Variants in ETV6 observed in about 807,000 individuals in gnomAD.
The protein encoded by ETV6 is transcription factor ETV6.
A neutral mutation model predicts 51.1 loss-of-function variants in ETV6; 16 were observed. That is an observed-to-expected ratio of 0.31 (90% CI 0.21 to 0.48). The LOEUF (loss-of-function observed/expected upper bound fraction) is 0.48. Among genes scored for constraint, ETV6 ranks in the 20% least tolerant of loss-of-function variants. The pLI is 0.99. For missense variants in ETV6, 458 were observed against 594.8 expected (o/e 0.77, Z 2.39); for synonymous variants, 240 against 224.1 (o/e 1.07, Z -0.64).
In ETV6 at chr12:11,781,363, T is replaced by G. The variant is rs897738426; in HGVS notation, c.163+28784T>G. Among the ~76,000 whole-genome samples the G allele has an allele frequency of 2.6e-5, 4 of 152,206 alleles. No individual in the cohort carries two copies. The South Asian group carries it at 8.3e-4, about 32-fold the overall frequency. ...CGTCCCGTTCTTGGATGGTGCTAGA[T>G]GTGAAAAATAGAGTTGAAACTCACC... is the stretch of plus-strand genomic sequence containing the variant. On this transcript the variant is annotated intron_variant, in intron 2 of 7. Transcript: ENST00000396373.
chr12:11,689,974 G>T (rs912465738), intron 1 of ETV6, among the ~76,000 whole-genome samples: 5 of 151,994 alleles, frequency 3.3e-5, no homozygotes, highest in African/African-American at 1.2e-4. Flanking sequence ...ATTCACAAGG[G>T]TGTTCGGTGT....
intron 1 of ETV6, among the ~76,000 whole-genome samples, chr12:11,659,400 G>C (rs1864058876): frequency 6.6e-6 from 1 of 152,166 alleles, no homozygotes; most frequent in Non-Finnish European, 1.5e-5. Flanking sequence ...CATGCAATAA[G>C]TGTGGGCTAC....
intron 2 of ETV6, among the ~76,000 whole-genome samples, chr12:11,753,326 TC>T (rs1866075925): frequency 6.6e-6 from 1 of 152,204 alleles, no homozygotes; most frequent in Non-Finnish European, 1.5e-5. Flanking sequence ...ACCTGCTGTG[TC>T]CTTTTTGTCT....
chr12:11,673,564 T>C (rs1864360381), intron 1 of ETV6, among the ~76,000 whole-genome samples: 2 of 152,168 alleles, frequency 1.3e-5, no homozygotes, highest in Admixed American at 1.3e-4. Context: ...AGGAAGTGTC[T>C]GGGAAGTAGT....
chr12:11,860,724 G>C (rs1044187230), intron 4 of ETV6, among the ~76,000 whole-genome samples: 5 of 151,974 alleles, frequency 3.3e-5, no homozygotes, highest in African/African-American at 1.2e-4. Flanking sequence ...TTTTTAATTG[G>C]GATAAAATAC....
chr12:11,704,381 CTG>C (rs769400123), intron 1 of ETV6, among the ~76,000 whole-genome samples: 31 of 152,282 alleles, frequency 2.0e-4, no homozygotes, highest in Admixed American at 3.9e-4. Context: ...GAGTCTCACT[CTG>C]TTGCCCAGGC....
rs371083937 is a variant in ETV6 at position 11,892,503 on chromosome 12, AT to A, written c.*1471del. Reference sequence around the variant, plus strand: ...TTAGTATTTTTGAAAGCTGTTTTAGATTTTTTTTTTTTTTCCTTTTCTAGCC... The same window carrying A: ...TTAGTATTTTTGAAAGCTGTTTTAGATTTTTTTTTTTTTCCTTTTCTAGCC... On this transcript the variant is annotated 3_prime_UTR_variant, in exon 8 of 8. Coordinates refer to ENST00000396373, the MANE Select transcript of ETV6 (RefSeq NM_001987.5). 0.14 allele frequency: 27,786 copies of A among 193,016 alleles called. 173 individuals are homozygous for A. The highest frequency in any genetic ancestry group is 0.27 in the Middle Eastern group (153 of 576). 12.0% of individuals were successfully genotyped at this position (193,016 alleles called of 1,614,324 possible). A position where few individuals can be genotyped will look rare whatever the true frequency, so the allele number is the denominator to read the frequency against.
chr12:11,749,447 C>T (rs376386048), intron 1 of ETV6, among the ~76,000 whole-genome samples: 5 of 152,136 alleles, frequency 3.3e-5, no homozygotes, highest in African/African-American at 9.7e-5. Flanking sequence ...CCACCCCCTC[C>T]TTTGTTGGGG....
chr12:11,854,634 A>G (rs556449913), intron 4 of ETV6, among the ~76,000 whole-genome samples: 1 of 152,334 alleles, frequency 6.6e-6, no homozygotes, highest in Non-Finnish European at 1.5e-5. Context: ...TGCCTTCACA[A>G]TGATCAGCAT....
intron 1 of ETV6, among the ~76,000 whole-genome samples, chr12:11,722,608 C>G (rs78823106): frequency 1.3e-5 from 2 of 152,108 alleles, no homozygotes; most frequent in Admixed American, 6.5e-5. Context: ...AGGCTTTCTA[C>G]GTCAAAGAGT....
chr12:11,797,482 G>A (rs1257746263), intron 2 of ETV6, among the ~76,000 whole-genome samples: 1 of 152,158 alleles, frequency 6.6e-6, no homozygotes, highest in Non-Finnish European at 1.5e-5. Flanking sequence ...ACTGGGATTC[G>A]GTCATAGGAC....
intron 2 of ETV6, among the ~76,000 whole-genome samples, chr12:11,826,208 T>C (rs1946151327): frequency 6.6e-6 from 1 of 152,156 alleles, no homozygotes; most frequent in Admixed American, 6.5e-5. Context: ...TCACCCCATC[T>C]TACGCTCTGC....
Position 11,893,014 on chromosome 12 carries a change from G to C in ETV6, c.*1968G>C, listed in dbSNP as rs1404845586. ...CCATTCAACCTTCCGGGAGGTCAGG[G>C]ACCTTCTATATGAGGCGAGTGGGTC... On this transcript the variant is annotated 3_prime_UTR_variant, in exon 8 of 8. Transcript: ENST00000396373. 2 of 232,848 alleles carry C rather than the reference G, an allele frequency of 8.6e-6. No individual in the cohort carries two copies. The highest frequency in any genetic ancestry group is 1.7e-5 in the Non-Finnish European group (2 of 117,920). The allele number at this position is 232,848 out of a possible 1,614,324, so 14.4% of individuals were successfully genotyped here. A position where few individuals can be genotyped will look rare whatever the true frequency, so the allele number is the denominator to read the frequency against.
chr12:11,844,905 C>A (rs758156292), intron 3 of ETV6, among the ~76,000 whole-genome samples: 4 of 151,858 alleles, frequency 2.6e-5, no homozygotes, highest in Admixed American at 6.6e-5. Context: ...GATCTCGGCT[C>A]ACTGCAACCT....
chr12:11,689,004 A>G (rs956903763), intron 1 of ETV6, among the ~76,000 whole-genome samples: 1 of 152,202 alleles, frequency 6.6e-6, no homozygotes, highest in Non-Finnish European at 1.5e-5. Context: ...AGGACTAGGA[A>G]CACAGGCTAC....
chr12:11,676,068 C>A (rs909752541), intron 1 of ETV6, among the ~76,000 whole-genome samples: 5 of 152,182 alleles, frequency 3.3e-5, no homozygotes, highest in African/African-American at 1.2e-4. Flanking sequence ...CTTGCCATCA[C>A]CTATGGCCAC....
In ETV6 at chr12:11,891,493, C is replaced by T. The variant is rs531718420; in HGVS notation, c.*447C>T. 5.0e-5 allele frequency: 25 copies of T among 495,460 alleles called. 1 individual carries two copies. The highest frequency in any genetic ancestry group is 1.9e-4 in the South Asian group (11 of 57,676). 30.7% of individuals were successfully genotyped at this position (495,460 alleles called of 1,614,324 possible). The stretch of plus-strand genomic sequence containing the variant: ...TATTTTTTGCAAATCTCACAAAGTG[C>T]GGCAAGCCCAGCTGGTCAGGAAAGA... On this transcript the variant is annotated 3_prime_UTR_variant, in exon 8 of 8. Coordinates refer to ENST00000396373, the MANE Select transcript of ETV6 (RefSeq NM_001987.5).
chr12:11,874,651 TA>T lies in ETV6; in HGVS notation c.1009+4683del, dbSNP rs1453986088. Among the ~76,000 whole-genome samples the T allele has an allele frequency of 8.5e-4, 2 of 2,352 alleles. 1 individual carries two copies. Among genetic ancestry groups the T allele is most frequent in the Non-Finnish European group, 2.3e-3 (2 of 876 alleles). 1.5% of individuals were successfully genotyped at this position (2,352 alleles called of 152,430 possible). ...GTGTATGTGTGTGTGTATATACACA[TA>T]TGTGTGTATATGTATATATGTGTGT... is the stretch of plus-strand genomic sequence containing the variant. On this transcript the variant is annotated intron_variant, in intron 5 of 7. Coordinates refer to ENST00000396373, the MANE Select transcript of ETV6 (RefSeq NM_001987.5).
intron 2 of ETV6, among the ~76,000 whole-genome samples, chr12:11,758,805 T>C (rs1481113266): frequency 6.6e-6 from 1 of 152,266 alleles, no homozygotes; most frequent in Non-Finnish European, 1.5e-5. Context: ...TTTAATTCTC[T>C]GTCAGTGTCT....
Sources: gnomAD v4.1 joint callset for allele counts (sites outside exome capture counted in the v4.1 genomes callset) on GRCh38, gnomAD v4.1.1 for gene constraint, MANE v1.5 for transcripts, NCBI Gene and HGNC (gene_info 2026-07-23, HGNC 2026-07-21) for gene names.